Variants in TMPRSS11E observed in about 807,000 individuals in gnomAD.
TMPRSS11E encodes the protein transmembrane serine protease 11E.
Under a neutral mutation model 48.1 loss-of-function variants are expected in TMPRSS11E, and 38 were observed. That is an observed-to-expected ratio of 0.79 (90% CI 0.61 to 1.04). The LOEUF is 1.04. Among genes scored for constraint, TMPRSS11E ranks in the 50% least tolerant of loss-of-function variants. The probability of loss-of-function intolerance (pLI) is 0.00; values close to 1 mark genes in which losing one functional copy is unlikely to be tolerated. For synonymous variants in TMPRSS11E, 158 were observed against 171.9 expected, an observed-to-expected ratio of 0.92 and a Z score of 0.63; for missense variants, 530 against 510.8, an observed-to-expected ratio of 1.04 and a Z score of -0.36.
Position 68,496,663 on chromosome 4 carries a change from G to T in TMPRSS11E, c.1131G>T (p.Leu377=). ...DACQGDSGGP[L]VSSDARDIWY... The stretch of plus-strand genomic sequence containing the variant: ...TTTAGGGTGACTCTGGAGGACCACT[G>T]GTTAGTTCAGATGCTAGAGATATCT... The change falls in exon 10 of 10, where the codon CTG becomes CTT. Residue 377 remains leucine, a synonymous_variant. Coordinates refer to ENST00000305363, the MANE Select transcript of TMPRSS11E (RefSeq NM_014058.4). 1 of 1,613,276 alleles carries T rather than the reference G, an allele frequency of 6.2e-7. No individual in the cohort carries two copies. Among genetic ancestry groups the T allele is most frequent in the Non-Finnish European group, 8.5e-7 (1 of 1,179,510 alleles).
intron 9 of TMPRSS11E, among the ~76,000 whole-genome samples, chr4:68,483,931 A>G (rs535110826): frequency 7.9e-4 from 121 of 152,306 alleles, no homozygotes; most frequent in African/African-American, 2.8e-3. Context: ...TTTGTCAAAG[A>G]TGAGATGGTT....
Position 68,447,493 on chromosome 4 carries a change from C to G in TMPRSS11E, c.-20C>G. ...GATGTAGACCTCGACCTTCACAGGA[C>G]TCTTCATTGCTGGTTGGCAATGATG... On this transcript the variant is annotated 5_prime_UTR_variant, in exon 1 of 10. Coordinates refer to ENST00000305363, the MANE Select transcript of TMPRSS11E (RefSeq NM_014058.4). 1 of 1,609,716 alleles carries G rather than the reference C, an allele frequency of 6.2e-7. No homozygotes were observed. The highest frequency in any genetic ancestry group is 2.2e-5 in the East Asian group (1 of 44,616).
intron 1 of TMPRSS11E, among the ~76,000 whole-genome samples, chr4:68,454,679 AT>A (rs1340396316): frequency 6.6e-6 from 1 of 151,900 alleles, no homozygotes; most frequent in Non-Finnish European, 1.5e-5. Context: ...ACATGTAGAA[AT>A]TTCTAGACTG....
In TMPRSS11E at chr4:68,474,773, A is replaced by G. The variant is rs368614631; in HGVS notation, c.529+12A>G. ...CTATCTAAACCATTGTAAGTTTAAT[A>G]TATTTATTAAAATAGCATTACCTGA... On this transcript the variant is annotated intron_variant, in intron 6 of 9. Transcript: ENST00000305363. 483 of 1,591,688 alleles carry G rather than the reference A, an allele frequency of 3.0e-4. No homozygotes were observed. The highest frequency in any genetic ancestry group is 3.8e-4 in the Non-Finnish European group (442 of 1,171,840).
chr4:68,460,095 G>T (rs1728747703), intron 1 of TMPRSS11E, among the ~76,000 whole-genome samples: 1 of 152,142 alleles, frequency 6.6e-6, no homozygotes. Context: ...TTACGGCCCC[G>T]TGGAAAAATC....
chr4:68,468,900 T>C lies in TMPRSS11E; in HGVS notation c.280T>C (p.Ser94Pro). 1.2e-6 allele frequency: 2 copies of C among 1,609,816 alleles called. No individual in the cohort carries two copies. The highest frequency in any genetic ancestry group is 1.7e-6 in the Non-Finnish European group (2 of 1,176,390). ...ACAGGTGAAAAATGCATTTTATAAA[T>C]CTCCATTAAGGGAAGAATTTGTCAA... ...ESMVKNAFYK[S>P]PLREEFVKSQ... The change falls in exon 4 of 10, where the codon TCT becomes CCT. Residue 94 changes from serine to proline, a missense_variant. Transcript: ENST00000305363.
intron 4 of TMPRSS11E, among the ~76,000 whole-genome samples, chr4:68,471,013 C>G (rs1021470876): frequency 5.9e-5 from 9 of 151,748 alleles, no homozygotes; most frequent in African/African-American, 1.9e-4. Flanking sequence ...GACAAGGTGT[C>G]TTTTTATATT....
At chr4:68,461,305 TAGA>T (rs1265464425) in intron 1 of TMPRSS11E, among the ~76,000 whole-genome samples, 5 of 152,258 alleles carry the variant, frequency 3.3e-5, no homozygotes, top group East Asian at 3.9e-4. Context: ...ATCAGAAAAT[TAGA>T]AGAATAGAAT....
chr4:68,474,580 C>T, intron 5 of TMPRSS11E, 143 bp from the exon 6 acceptor site: 1 of 770,488 alleles, frequency 1.3e-6, no homozygotes, highest in Non-Finnish European at 2.2e-6. Flanking sequence ...CATCCTATGT[C>T]TATGACAAGC....
At chr4:68,451,862 C>A (rs1728507644) in intron 1 of TMPRSS11E, among the ~76,000 whole-genome samples, 2 of 151,924 alleles carry the variant, frequency 1.3e-5, no homozygotes, top group African/African-American at 4.8e-5. Context: ...CAGGGTCTAT[C>A]TGACTTCAAA....
chr4:68,454,854 G>T (rs960974300), intron 1 of TMPRSS11E, among the ~76,000 whole-genome samples: 2 of 151,856 alleles, frequency 1.3e-5, no homozygotes, highest in African/African-American at 4.8e-5. Flanking sequence ...TACATATTTT[G>T]GGGGTATCTG....
chr4:68,461,685 C>G (rs1032362528), intron 1 of TMPRSS11E, 136 bp from the exon 2 acceptor site: 30 of 1,353,632 alleles, frequency 2.2e-5, no homozygotes, highest in Non-Finnish European at 2.6e-5. Context: ...AGCCTGGAAC[C>G]AGGGTGTGCT....
intron 2 of TMPRSS11E, among the ~76,000 whole-genome samples, chr4:68,464,578 G>T (rs1728878036): frequency 6.6e-6 from 1 of 152,172 alleles, no homozygotes; most frequent in Non-Finnish European, 1.5e-5. Context: ...ATTTATGGCA[G>T]CTGGTAATAT....
rs1729903769 is a variant in TMPRSS11E, at chr4:68,497,434, C to T, written c.*630C>T. The T allele has an allele frequency of 6.6e-6, 1 of 152,048 alleles. No individual in the cohort carries two copies. The highest frequency in any genetic ancestry group is 1.5e-5 in the Non-Finnish European group (1 of 67,966). 9.4% of individuals were successfully genotyped at this position (152,048 alleles called of 1,614,324 possible). On this transcript the variant is annotated 3_prime_UTR_variant, in exon 10 of 10. Coordinates refer to ENST00000305363, the MANE Select transcript of TMPRSS11E (RefSeq NM_014058.4). ...AGAAGCCAAGATATATCCTTATTTTCATTTCCAAACAACTACTATGATAAA... is the reference window on the plus strand; with the variant it reads ...AGAAGCCAAGATATATCCTTATTTTTATTTCCAAACAACTACTATGATAAA...
intron 9 of TMPRSS11E, among the ~76,000 whole-genome samples, chr4:68,489,421 G>A (rs1729653438): frequency 6.6e-6 from 1 of 152,232 alleles, no homozygotes; most frequent in Admixed American, 6.5e-5. Context: ...CAGTGGGTCA[G>A]TGAGGGTCCT....
chr4:68,473,675 G>A (rs557677873), intron 5 of TMPRSS11E, among the ~76,000 whole-genome samples: 2 of 152,256 alleles, frequency 1.3e-5, no homozygotes, highest in Admixed American at 6.6e-5. Flanking sequence ...GCCATTGTGA[G>A]TGTGAGACCC....
At chr4:68,481,958 C>G (rs1025635760) in intron 9 of TMPRSS11E, among the ~76,000 whole-genome samples, 1 of 152,006 alleles carries the variant, frequency 6.6e-6, no homozygotes, top group African/African-American at 2.4e-5. Flanking sequence ...AACAAACAAA[C>G]TAACAAAACC....
chr4:68,447,776 AG>A (rs1204176145), intron 1 of TMPRSS11E, among the ~76,000 whole-genome samples: 4 of 151,982 alleles, frequency 2.6e-5, no homozygotes, highest in Non-Finnish European at 5.9e-5. Context: ...CACAATGTAA[AG>A]GTACATGGTG....
At chr4:68,459,977 T>G (rs1728743901) in intron 1 of TMPRSS11E, among the ~76,000 whole-genome samples, 1 of 151,782 alleles carries the variant, frequency 6.6e-6, no homozygotes, top group African/African-American at 2.4e-5. Flanking sequence ...TGGAGAAGAC[T>G]TTTTATATTG....
Sources: gnomAD v4.1 joint callset for allele counts (sites outside exome capture counted in the v4.1 genomes callset) on GRCh38, gnomAD v4.1.1 for gene constraint, MANE v1.5 for transcripts, NCBI Gene and HGNC (gene_info 2026-07-23, HGNC 2026-07-21) for gene names.